BMX: variants seen among roughly 807,000 people sequenced by gnomAD.
BMX encodes BMX non-receptor tyrosine kinase.
A neutral mutation model predicts 59.2 loss-of-function variants in BMX; 31 were observed. The observed-to-expected ratio is 0.52, with a 90% confidence interval of 0.39 to 0.71. The LOEUF is 0.71. Ranked by LOEUF, BMX falls within the 30% of genes least tolerant of loss-of-function variation. The pLI, the probability that BMX is intolerant of heterozygous loss-of-function variation, is 0.00. For missense variants in BMX, 474 were observed against 491.7 expected (o/e 0.96, Z 0.34); for synonymous variants, 185 against 181.0 (o/e 1.02, Z -0.18).
intron 12 of BMX, 98 bp downstream of exon 12, chrX:15,534,437 A>G (rs1171468096): frequency 2.6e-6 from 2 of 778,632 alleles, no homozygotes; most frequent in African/African-American, 5.1e-5. Context: ...TATATAGGGA[A>G]CCATGAAAGT....
Position 15,541,816 on chromosome X carries a change from T to C in BMX, c.1395-166T>C, listed in dbSNP as rs575701001. Among the ~76,000 whole-genome samples, 11 of 111,566 alleles carry C rather than the reference T, an allele frequency of 9.9e-5. No homozygotes were observed. In the South Asian group the frequency reaches 4.1e-3, roughly 42 times the overall value. On this transcript the variant is annotated intron_variant, in intron 14 of 18. Coordinates refer to ENST00000348343, the MANE Select transcript of BMX (RefSeq NM_203281.3). ...AATTTTTTTTGCCTCCAAAGATAAT[T>C]GTGCTTGAAATATAAGATCCTAAAC...
intron 6 of BMX, among the ~76,000 whole-genome samples, chrX:15,519,471 G>A (rs900520939): frequency 9.0e-5 from 10 of 111,379 alleles, no homozygotes; most frequent in Non-Finnish European, 3.8e-5. Flanking sequence ...CACGAAAGAT[G>A]AGAGTGGGCC....
chrX:15,512,599 G>C (rs1924004461), intron 4 of BMX, among the ~76,000 whole-genome samples: 1 of 111,731 alleles, frequency 9.0e-6, no homozygotes, highest in African/African-American at 3.3e-5. Flanking sequence ...CCCCTCTAGA[G>C]TTAGACACAC....
At chrX:15,508,189 T>G (rs1488806191) in intron 1 of BMX, among the ~76,000 whole-genome samples, 156 bp from the exon 2 acceptor site, 1 of 112,213 alleles carries the variant, frequency 8.9e-6, no homozygotes, top group Non-Finnish European at 1.9e-5. Context: ...CTGTAGCTAT[T>G]GTGTAATTTA....
intron 6 of BMX, among the ~76,000 whole-genome samples, chrX:15,518,244 CAA>C (rs373399805): frequency 1.4e-4 from 12 of 86,471 alleles, no homozygotes; most frequent in Non-Finnish European, 7.1e-5. Flanking sequence ...AAATAGTCAC[CAA>C]AAAAAAAAAA....
At chrX:15,534,691 T>C (rs1050059973) in intron 12 of BMX, among the ~76,000 whole-genome samples, 1 of 111,320 alleles carries the variant, frequency 9.0e-6, no homozygotes, top group Non-Finnish European at 1.9e-5. Flanking sequence ...AGTTGTCTAT[T>C]ATGACAGGGT....
chrX:15,555,866 T>C (rs1276468252), intron 18 of BMX, among the ~76,000 whole-genome samples: 1 of 112,288 alleles, frequency 8.9e-6, no homozygotes, highest in Non-Finnish European at 1.9e-5. Context: ...TCCAATTGCA[T>C]TGGTTAACAC....
intron 6 of BMX, among the ~76,000 whole-genome samples, chrX:15,518,713 C>G: frequency 9.0e-6 from 1 of 111,174 alleles, no homozygotes; most frequent in East Asian, 2.8e-4. Context: ...ATGGCCCTTT[C>G]AGAGTTAGTT....
At chrX:15,514,491 G>A (rs1484582818) in intron 4 of BMX, among the ~76,000 whole-genome samples, 1 of 111,368 alleles carries the variant, frequency 9.0e-6, no homozygotes, top group Non-Finnish European at 1.9e-5. Context: ...AGTCAGGACT[G>A]TAAGGATAAG....
intron 6 of BMX, among the ~76,000 whole-genome samples, chrX:15,518,258 G>GA (rs1193910835): frequency 2.8e-5 from 3 of 105,816 alleles, no homozygotes; most frequent in African/African-American, 6.9e-5. Context: ...AAAAAAAAAA[G>GA]AAAAAATGGG....
intron 15 of BMX, 148 bp from the exon 16 acceptor site, chrX:15,542,923 T>C (rs1345042230): frequency 2.1e-6 from 1 of 482,430 alleles, no homozygotes. Context: ...AATTGAAAAT[T>C]GCAAAGGAAA....
intron 6 of BMX, among the ~76,000 whole-genome samples, chrX:15,520,018 T>C (rs749682222): frequency 9.0e-6 from 1 of 111,676 alleles, no homozygotes; most frequent in Non-Finnish European, 1.9e-5. Context: ...ATCCAAACCA[T>C]AGCAACTTGG....
rs1281435906 is a variant in BMX, at chrX:15,511,332, A to T, written c.244-105A>T. The T allele has an allele frequency of 6.7e-6, 4 of 597,002 alleles. No individual in the cohort carries two copies. The Admixed American group carries it at 1.1e-4, about 17-fold the overall frequency. The allele number at this position is 597,002 out of a possible 1,213,427, so 49.2% of individuals were successfully genotyped here. A position where few individuals can be genotyped will look rare whatever the true frequency, so the allele number is the denominator to read the frequency against. On this transcript the variant is annotated intron_variant, in intron 3 of 18. Transcript: ENST00000348343. ...TAATTCCAGAGCTGATGTATACTGT[A>T]TAAGCAAACTCAAGGTTTCTTTTGG...
chrX:15,534,834 A>C (rs1009386353), intron 12 of BMX, among the ~76,000 whole-genome samples: 1 of 111,296 alleles, frequency 9.0e-6, no homozygotes, highest in Non-Finnish European at 1.9e-5. Flanking sequence ...TTCTTTACTC[A>C]ACATGTCTTA....
chrX:15,507,555 G>C (rs1190404894), intron 1 of BMX: 3 of 138,942 alleles, frequency 2.2e-5, no homozygotes, highest in Non-Finnish European at 3.9e-5. Flanking sequence ...TACTTTTCAT[G>C]ATCAGACCTG....
rs774253575 is a variant in BMX, at chrX:15,538,206, TCTCTCTCTCC to T, written c.1394+919_1394+928del. On this transcript the variant is annotated intron_variant, in intron 14 of 18. Transcript: ENST00000348343. Reference sequence around the variant, plus strand: ...CTCCCTCTTCCTCTCTCTCCTTCTCTCTCTCTCTCCCTCTCTCTCCCTCTCTCAGTTGTAT... The same window carrying T: ...CTCCCTCTTCCTCTCTCTCCTTCTCTCTCTCTCTCCCTCTCTCAGTTGTAT... 2.6e-3 allele frequency among the ~76,000 whole-genome samples: 280 copies of T among 108,140 alleles called. 2 individuals carry two copies. The highest frequency in any genetic ancestry group is 8.8e-3 in the African/African-American group (260 of 29,654). The allele number at this position is 108,140 out of a possible 115,157, so 93.9% of individuals were successfully genotyped here. A position where few individuals can be genotyped will look rare whatever the true frequency, so the allele number is the denominator to read the frequency against.
chrX:15,508,383 T>C lies in BMX; in HGVS notation c.30T>C (p.Leu10=), dbSNP rs1194354503. The C allele has an allele frequency of 4.3e-6, 5 of 1,150,911 alleles. No individual in the cohort carries two copies. The highest frequency in any genetic ancestry group is 5.9e-6 in the Non-Finnish European group (5 of 854,014). 94.8% of individuals were successfully genotyped at this position (1,150,911 alleles called of 1,213,427 possible). A position where few individuals can be genotyped will look rare whatever the true frequency, so the allele number is the denominator to read the frequency against. Residue 10 remains leucine (L), a synonymous_variant, in exon 2 of 19, where the codon CTT becomes CTC. Coordinates refer to ENST00000348343, the MANE Select transcript of BMX (RefSeq NM_203281.3). MDTKSILEE[L]LLKRSQQKKK... Reference sequence around the variant, plus strand: ...ATACAAAATCTATTCTAGAAGAACTTCTTCTCAAAAGATCACAGCAAAAGA... The same window carrying C: ...ATACAAAATCTATTCTAGAAGAACTCCTTCTCAAAAGATCACAGCAAAAGA...
chrX:15,532,399 G>A (rs1448146286), intron 11 of BMX, among the ~76,000 whole-genome samples: 5 of 111,072 alleles, frequency 4.5e-5, no homozygotes, highest in Admixed American at 3.8e-4. Context: ...TGAGAGGATT[G>A]AGGTTCAAAA....
At chrX:15,527,414 C>G (rs1177324385) in intron 9 of BMX, among the ~76,000 whole-genome samples, 1 of 108,457 alleles carries the variant, frequency 9.2e-6, no homozygotes, top group Non-Finnish European at 1.9e-5. Flanking sequence ...CCCAACTATA[C>G]TGAGAAGGTT....
Sources: gnomAD v4.1 joint callset for allele counts (sites outside exome capture counted in the v4.1 genomes callset) on GRCh38, gnomAD v4.1.1 for gene constraint, MANE v1.5 for transcripts, NCBI Gene and HGNC (gene_info 2026-07-23, HGNC 2026-07-21) for gene names.